VAV2: variants seen among roughly 807,000 people sequenced by gnomAD.
VAV2 encodes guanine nucleotide exchange factor VAV2.
Under a neutral mutation model 132.5 loss-of-function variants are expected in VAV2, and 67 were observed. That is an observed-to-expected ratio of 0.51 (90% confidence interval 0.42 to 0.62). The LOEUF (loss-of-function observed/expected upper bound fraction) is 0.62, where lower values mean the gene tolerates loss of function less well. Ranked by LOEUF, VAV2 falls within the 20% of genes least tolerant of loss-of-function variation. The probability of loss-of-function intolerance (pLI) is 0.00; values close to 1 mark genes in which losing one functional copy is unlikely to be tolerated. For synonymous variants in VAV2, 492 were observed against 443.5 expected, an observed-to-expected ratio of 1.11 and a Z score of -1.37; for missense variants, 938 against 1,153.6, an observed-to-expected ratio of 0.81 and a Z score of 2.71.
rs573335836 is a variant in VAV2 at position 133,986,088 on chromosome 9, T to C, written c.204+5987A>G. On this transcript the variant is annotated intron_variant, in intron 1 of 29. Transcript: ENST00000371850. The stretch of plus-strand genomic sequence containing the variant: ...TCAAGATATTTATATTGACTCAAAG[T>C]ATCTTCTTTAAGTACGTGTTAACAG... 2.0e-5 allele frequency among the ~76,000 whole-genome samples: 3 copies of C among 152,286 alleles called. No homozygotes were observed. In the East Asian group the frequency reaches 5.8e-4, roughly 29 times the overall value.
intron 1 of VAV2, among the ~76,000 whole-genome samples, chr9:133,968,405 T>C (rs924820868): frequency 2.0e-5 from 3 of 152,032 alleles, no homozygotes; most frequent in Non-Finnish European, 4.4e-5. Flanking sequence ...AATAATACAT[T>C]TGAAAAGGTT....
In VAV2 at chr9:133,779,904, T is replaced by A. The variant is rs950389100; in HGVS notation, c.1762+14A>T. Reference sequence around the variant, plus strand: ...CATGGGTGATAGCAGAGGGCCCAGGTCCAGAAGACTCACCTGGTCCCGCTC... The same window carrying A: ...CATGGGTGATAGCAGAGGGCCCAGGACCAGAAGACTCACCTGGTCCCGCTC... On this transcript the variant is annotated intron_variant, in intron 21 of 29. Coordinates refer to ENST00000371850, the MANE Select transcript of VAV2 (RefSeq NM_001134398.2). 2.5e-6 allele frequency: 4 copies of A among 1,611,090 alleles called. No homozygotes were observed. The African/African-American group carries it at 4.0e-5, about 16-fold the overall frequency.
intron 3 of VAV2, among the ~76,000 whole-genome samples, chr9:133,842,262 T>G (rs776787381): frequency 1.8e-4 from 28 of 152,166 alleles, no homozygotes; most frequent in Non-Finnish European, 3.1e-4. Flanking sequence ...GGAACCCGAC[T>G]CACAGAAGAG....
chr9:133,974,120 G>A (rs1270659431), intron 1 of VAV2, among the ~76,000 whole-genome samples: 32 of 142,646 alleles, frequency 2.2e-4, no homozygotes, highest in South Asian at 2.5e-4. Flanking sequence ...CCACCCACCC[G>A]CTGCCACATT....
intron 3 of VAV2, among the ~76,000 whole-genome samples, chr9:133,846,721 C>T (rs568389469): frequency 6.6e-6 from 1 of 152,346 alleles, no homozygotes; most frequent in East Asian, 1.9e-4. Flanking sequence ...AGGGTTCCCA[C>T]CTCACCCCAT....
intron 3 of VAV2, among the ~76,000 whole-genome samples, chr9:133,844,951 A>G (rs887331473): frequency 6.6e-6 from 1 of 152,232 alleles, no homozygotes; most frequent in Non-Finnish European, 1.5e-5. Context: ...CAGCTCTGAG[A>G]TCCTCCTGTG....
rs73662306 is a variant in VAV2, at chr9:133,863,346, G to A, written c.322-1914C>T. On this transcript the variant is annotated intron_variant, in intron 2 of 29. Coordinates refer to ENST00000371850, the MANE Select transcript of VAV2 (RefSeq NM_001134398.2). This position sits in a 1 kb window ranked among gnomAD's most constrained non-coding sequence, Gnocchi z 5.0. ...CTCCGTGGAGTCTAAGGAGGCACCA[G>A]CATTCGGTCAGCGCTGACACACAAG... Among the ~76,000 whole-genome samples the A allele has an allele frequency of 6.6e-6, 1 of 152,188 alleles. No homozygotes were observed. Among genetic ancestry groups the A allele is most frequent in the South Asian group, 2.1e-4 (1 of 4,838 alleles).
chr9:133,985,331 G>A lies in VAV2; in HGVS notation c.204+6744C>T, dbSNP rs541908939. Among the ~76,000 whole-genome samples, 269 of 151,856 alleles carry A rather than the reference G, an allele frequency of 1.8e-3. 1 individual carries two copies. The highest frequency in any genetic ancestry group is 3.2e-3 in the Non-Finnish European group (218 of 67,956). ...GAGTCTCACTCTGTCACCCAGGCTG[G>A]AGTGCAGTGGCACAATCTCCGCTCA... On this transcript the variant is annotated intron_variant, in intron 1 of 29. Coordinates refer to ENST00000371850, the MANE Select transcript of VAV2 (RefSeq NM_001134398.2).
chr9:133,920,882 C>T (rs1013390994), intron 2 of VAV2, among the ~76,000 whole-genome samples: 1 of 152,180 alleles, frequency 6.6e-6, no homozygotes, highest in Non-Finnish European at 1.5e-5. Context: ...TGAACATCCC[C>T]AAAAGTCTAA....
intron 4 of VAV2, among the ~76,000 whole-genome samples, chr9:133,832,525 C>T (rs1385828402): frequency 1.3e-5 from 2 of 152,126 alleles, no homozygotes; most frequent in African/African-American, 2.4e-5. Flanking sequence ...GTCTCAGAAG[C>T]CTGCATGCTG....
rs1055527631 is a variant in VAV2, at chr9:133,826,920, G to A, written c.449+7352C>T. ...AGCGGCACCAGTGTCCTCGCAAGAC[G>A]CACTCATCACGGCGCTCTGTGGCAC... On this transcript the variant is annotated intron_variant, in intron 4 of 29. Transcript: ENST00000371850. This position sits in a 1 kb window ranked among gnomAD's most constrained non-coding sequence, Gnocchi z 4.2. 1.2e-4 allele frequency among the ~76,000 whole-genome samples: 19 copies of A among 152,268 alleles called. No individual in the cohort carries two copies. The highest frequency in any genetic ancestry group is 2.2e-4 in the African/African-American group (9 of 41,548).
intron 16 of VAV2, 198 bp from the exon 17 acceptor site, chr9:133,786,083 G>A (rs374008530): frequency 1.1e-5 from 7 of 630,124 alleles, no homozygotes; most frequent in Non-Finnish European, 2.9e-6. Context: ...ACGTGCCTCT[G>A]TATGCATGCA....
chr9:133,900,829 T>TGCTCTGTCGCCCA (rs1322006245), intron 2 of VAV2, among the ~76,000 whole-genome samples: 1 of 151,510 alleles, frequency 6.6e-6, no homozygotes, highest in South Asian at 2.1e-4. Flanking sequence ...GACAGGGTCT[T>TGCTCTGTCGCCCA]GCTCTGTCGC....
Position 133,791,753 on chromosome 9 carries a change from T to G in VAV2, c.1188+30A>C, listed in dbSNP as rs1409994799. 6 of 1,597,784 alleles carry G rather than the reference T, an allele frequency of 3.8e-6. No individual in the cohort carries two copies. The East Asian group carries it at 1.1e-4, about 30-fold the overall frequency. ...TTTATAGGTACGTCCTCATCGACCT[T>G]CCCTAGCCTGAAGAGTCAGTCTCAC... On this transcript the variant is annotated intron_variant, in intron 13 of 29. Transcript: ENST00000371850.
chr9:133,910,677 A>C (rs1839848332), intron 2 of VAV2, among the ~76,000 whole-genome samples: 1 of 150,920 alleles, frequency 6.6e-6, no homozygotes, highest in Admixed American at 6.6e-5. Context: ...ACAAAAACTT[A>C]GCCGAGCGTG....
intron 21 of VAV2, among the ~76,000 whole-genome samples, chr9:133,779,670 T>C (rs761235559): frequency 3.9e-5 from 6 of 152,134 alleles, no homozygotes; most frequent in Non-Finnish European, 5.9e-5. Flanking sequence ...AGAAGGCCCT[T>C]GCTCCTCTGC....
intron 24 of VAV2, 38 bp from the exon 25 acceptor site, chr9:133,775,089 G>C: frequency 6.4e-7 from 1 of 1,550,732 alleles, no homozygotes; most frequent in Non-Finnish European, 8.7e-7. Flanking sequence ...GAGCCGCAGT[G>C]AGGACAGTGT....
At chr9:133,904,183 C>T (rs879851709) in intron 2 of VAV2, among the ~76,000 whole-genome samples, 31 of 152,318 alleles carry the variant, frequency 2.0e-4, no homozygotes, top group Admixed American at 1.4e-3. Context: ...CCAGCCCAAG[C>T]GCCAGGCTCT....
chr9:133,776,467 C>T (rs933401849), intron 23 of VAV2, among the ~76,000 whole-genome samples: 3 of 152,176 alleles, frequency 2.0e-5, no homozygotes, highest in African/African-American at 7.2e-5. Context: ...CACACTCAGG[C>T]AGGTGCTGCC....
Sources: allele counts gnomAD v4.1 joint callset (sites outside exome capture counted in the v4.1 genomes callset), GRCh38; gene constraint gnomAD v4.1.1; non-coding constraint Gnocchi (gnomAD v3.1); transcripts MANE v1.5; gene names NCBI Gene and HGNC (gene_info 2026-07-23, HGNC 2026-07-21).